OR51B5: variants seen among roughly 807,000 people sequenced by gnomAD.
OR51B5 encodes olfactory receptor 51B5.
For missense variants in OR51B5, 456 were observed against 374.6 expected, an observed-to-expected ratio of 1.22 and a Z score of -1.79; for synonymous variants, 186 against 144.8, an observed-to-expected ratio of 1.28 and a Z score of -2.04.
intron 1 of OR51B5, among the ~76,000 whole-genome samples, chr11:5,483,926 T>C (rs1304764744): frequency 6.6e-6 from 1 of 152,028 alleles, no homozygotes; most frequent in Non-Finnish European, 1.5e-5. Flanking sequence ...GACCCTCCAC[T>C]CTCTCATACC....
At chr11:5,396,218 CG>C (rs552866398) in intron 1 of OR51B5, among the ~76,000 whole-genome samples, 1,817 of 152,042 alleles carry the variant, frequency 0.012, 19 homozygotes, top group Middle Eastern at 0.027. Flanking sequence ...AGTTCTGGCC[CG>C]GGCAATCGGG....
chr11:5,454,172 T>C (rs748878145), intron 1 of OR51B5: 4 of 1,613,248 alleles, frequency 2.5e-6, no homozygotes, highest in Admixed American at 1.7e-5. Context: ...TCATGGCCAC[T>C]GCTTCCCGTG....
At chr11:5,477,839 C>A (rs933494460) in intron 1 of OR51B5, among the ~76,000 whole-genome samples, 1 of 152,194 alleles carries the variant, frequency 6.6e-6, no homozygotes, top group Admixed American at 6.5e-5. Context: ...GATTATATCC[C>A]GCACCTGGCT....
At chr11:5,396,003 G>A (rs1223211289) in intron 1 of OR51B5, among the ~76,000 whole-genome samples, 1 of 152,192 alleles carries the variant, frequency 6.6e-6, no homozygotes, top group Non-Finnish European at 1.5e-5. Context: ...AGGTAGAATT[G>A]TCTCAATTTT....
intron 1 of OR51B5, among the ~76,000 whole-genome samples, chr11:5,460,275 G>T (rs1048691208): frequency 7.2e-5 from 11 of 152,102 alleles, no homozygotes; most frequent in African/African-American, 2.7e-4. Context: ...GGATCAAAAA[G>T]AATTAACTAT....
chr11:5,389,737 G>A (rs755249892), intron 1 of OR51B5: 2 of 1,613,940 alleles, frequency 1.2e-6, no homozygotes, highest in South Asian at 1.1e-5. Context: ...AAATCCAGAT[G>A]TTCTGCATCC....
rs138113738 is a variant in OR51B5 at position 5,399,097 on chromosome 11, C to T, written n.85-52187G>A. Among the ~76,000 whole-genome samples, 529 of 152,246 alleles carry T rather than the reference C, an allele frequency of 3.5e-3. 2 individuals carry two copies. The highest frequency in any genetic ancestry group is 0.031 in the Middle Eastern group (9 of 294). The stretch of plus-strand genomic sequence containing the variant: ...GAGGAATCACATCCTAAATTGGTGG[C>T]AGATGGAAAACAAAACAAAAACACC... On this transcript the variant is annotated intron_variant and non_coding_transcript_variant, in intron 1 of 4. Coordinates refer to the OR51B5 transcript ENST00000415970.
At chr11:5,435,297 C>CT (rs1464817634) in intron 1 of OR51B5, among the ~76,000 whole-genome samples, 1 of 152,186 alleles carries the variant, frequency 6.6e-6, no homozygotes, top group Non-Finnish European at 1.5e-5. Flanking sequence ...CTTAAACGTG[C>CT]TTTCTCTACA....
intron 1 of OR51B5, among the ~76,000 whole-genome samples, chr11:5,426,428 CTAACTCTCT>C (rs1208758340): frequency 6.6e-6 from 1 of 152,132 alleles, no homozygotes; most frequent in Non-Finnish European, 1.5e-5. Context: ...CCAGAAAAAT[CTAACTCTCT>C]TATAGTTATT....
intron 1 of OR51B5, among the ~76,000 whole-genome samples, chr11:5,495,940 T>C (rs140114824): frequency 2.6e-5 from 4 of 152,090 alleles, no homozygotes; most frequent in Non-Finnish European, 5.9e-5. Context: ...GGGTGGCATA[T>C]TGCAATTTTT....
chr11:5,384,265 G>A (rs181807551), intron 1 of OR51B5, among the ~76,000 whole-genome samples: 17 of 152,168 alleles, frequency 1.1e-4, no homozygotes, highest in East Asian at 3.9e-4. Flanking sequence ...AACTCAAACC[G>A]GATTCAAGCA....
At chr11:5,365,746 T>C (rs927121652) in intron 1 of OR51B5, among the ~76,000 whole-genome samples, 1 of 152,196 alleles carries the variant, frequency 6.6e-6, no homozygotes, top group Non-Finnish European at 1.5e-5. Context: ...AAAATAGATA[T>C]AAGCTTTTGA....
intron 1 of OR51B5, among the ~76,000 whole-genome samples, chr11:5,379,460 T>A (rs193257772): frequency 2.1e-3 from 301 of 143,418 alleles, no homozygotes; most frequent in Non-Finnish European, 3.4e-3. Context: ...TAAAGTATAA[T>A]AATAATAATA....
In OR51B5 at chr11:5,343,422, A is replaced by T. The variant is rs760258239; in HGVS notation, c.103T>A (p.Ser35Thr). ...AGGGTGCCATTGCCAAAAAGGATGG[A>T]TATATACATGAACAAGAAAAATACG... Residue 35 changes from serine (S) to threonine (T), a missense_variant, in exon 1 of 1, where the codon TCC (serine) becomes ACC (threonine). Coordinates refer to ENST00000300773, the Ensembl canonical transcript of OR51B5. 14 of 1,613,144 alleles carry T rather than the reference A, an allele frequency of 8.7e-6. No homozygotes were observed. In the South Asian group the frequency reaches 1.3e-4, roughly 15 times the overall value.
At chr11:5,464,651 G>A (rs1399572388) in intron 1 of OR51B5, among the ~76,000 whole-genome samples, 1 of 152,000 alleles carries the variant, frequency 6.6e-6, no homozygotes, top group Middle Eastern at 3.2e-3. Flanking sequence ...ATTCCATGGT[G>A]TATATGTGCC....
chr11:5,492,445 A>AT (rs1564832234), intron 1 of OR51B5, among the ~76,000 whole-genome samples: 1 of 152,176 alleles, frequency 6.6e-6, no homozygotes, highest in Non-Finnish European at 1.5e-5. Flanking sequence ...AAATATATTA[A>AT]TAGATAATTT....
At chr11:5,439,493 A>G (rs1244449612) in intron 1 of OR51B5, among the ~76,000 whole-genome samples, 2 of 152,204 alleles carry the variant, frequency 1.3e-5, no homozygotes, top group East Asian at 1.9e-4. Flanking sequence ...TTGTCTAAAC[A>G]GTTATCTGTA....
intron 1 of OR51B5, chr11:5,355,654 G>A (rs1055855397): frequency 6.6e-6 from 1 of 152,154 alleles, no homozygotes; most frequent in African/African-American, 2.4e-5. Context: ...CCTAAAGTAA[G>A]ATAGGTGATG....
intron 1 of OR51B5, among the ~76,000 whole-genome samples, chr11:5,457,790 G>A (rs1213889702): frequency 6.6e-6 from 1 of 152,096 alleles, no homozygotes; most frequent in Non-Finnish European, 1.5e-5. Context: ...ATATCTTTAT[G>A]TCCTTTGCCC....
Sources: gnomAD v4.1 joint callset for allele counts (sites outside exome capture counted in the v4.1 genomes callset) on GRCh38, gnomAD v4.1.1 for gene constraint, MANE v1.5 for transcripts, NCBI Gene and HGNC (gene_info 2026-07-23, HGNC 2026-07-21) for gene names.